The following CDK6 variants were observed in gnomAD, a reference collection of about 807,000 sequenced individuals.
The protein encoded by CDK6 is cyclin dependent kinase 6, also known as cyclin-dependent kinase 6.
In CDK6, 6 loss-of-function variants were observed where a neutral mutation model predicts 37.1. The ratio of observed to expected loss-of-function variants is 0.16; its 90% CI spans 0.09 to 0.32. The LOEUF is 0.32. Ranked by LOEUF, CDK6 falls within the 10% of genes least tolerant of loss-of-function variation. The probability of loss-of-function intolerance (pLI) is 1.00; values close to 1 mark genes in which losing one functional copy is unlikely to be tolerated. For synonymous variants in CDK6, 160 were observed against 161.3 expected (o/e 0.99, Z 0.06); for missense variants, 224 against 418.9 (o/e 0.53, Z 4.06).
chr7:92,639,906 A>G (rs538934537), intron 5 of CDK6, among the ~76,000 whole-genome samples: 1 of 152,350 alleles, frequency 6.6e-6, no homozygotes, highest in South Asian at 2.1e-4. Context: ...CTAGCCAGTG[A>G]AAGCCAAAAA....
At chr7:92,744,575 C>T (rs1371591998) in intron 3 of CDK6, among the ~76,000 whole-genome samples, 1 of 152,118 alleles carries the variant, frequency 6.6e-6, no homozygotes, top group Admixed American at 6.5e-5. Context: ...AGTACTTTAC[C>T]TAATTTCCAT....
chr7:92,816,173 A>G (rs565766495), intron 2 of CDK6, among the ~76,000 whole-genome samples: 1 of 152,306 alleles, frequency 6.6e-6, no homozygotes, highest in South Asian at 2.1e-4. Flanking sequence ...CCAATAACAC[A>G]TTATTAGACA....
chr7:92,693,749 A>T (rs1320354273), intron 4 of CDK6, among the ~76,000 whole-genome samples: 1 of 152,172 alleles, frequency 6.6e-6, no homozygotes, highest in Non-Finnish European at 1.5e-5. Flanking sequence ...CTTTGGTCAT[A>T]TTGTCAGCTT....
At chr7:92,622,439 TA>T (rs1440999044) in intron 6 of CDK6, among the ~76,000 whole-genome samples, 1 of 152,202 alleles carries the variant, frequency 6.6e-6, no homozygotes, top group African/African-American at 2.4e-5. Flanking sequence ...GATAACTTTT[TA>T]AAGTGCTTAC....
chr7:92,818,592 T>C (rs1006760380), intron 2 of CDK6, among the ~76,000 whole-genome samples: 1 of 151,898 alleles, frequency 6.6e-6, no homozygotes, highest in African/African-American at 2.4e-5. Flanking sequence ...AAAAAAAAGA[T>C]GAATTGGACT....
intron 3 of CDK6, among the ~76,000 whole-genome samples, chr7:92,739,113 T>C (rs1027115467): frequency 6.6e-6 from 1 of 152,206 alleles, no homozygotes; most frequent in Admixed American, 6.5e-5. Flanking sequence ...GTAAGCTCCC[T>C]TTGCTATTGT....
intron 4 of CDK6, among the ~76,000 whole-genome samples, chr7:92,722,683 A>T (rs1377663516): frequency 6.6e-6 from 1 of 152,190 alleles, no homozygotes; most frequent in Non-Finnish European, 1.5e-5. Context: ...TAAATGTATA[A>T]CATAGCTCCT....
At chr7:92,636,261 T>G (rs997813160) in intron 5 of CDK6, among the ~76,000 whole-genome samples, 6 of 152,132 alleles carry the variant, frequency 3.9e-5, no homozygotes, top group African/African-American at 9.7e-5. Flanking sequence ...GGTTTTGCCA[T>G]GTTGCTCAGG....
chr7:92,742,115 G>A (rs935941632), intron 3 of CDK6, among the ~76,000 whole-genome samples: 2 of 152,114 alleles, frequency 1.3e-5, no homozygotes, highest in African/African-American at 4.8e-5. Flanking sequence ...TACTCAGTTT[G>A]TTTAAAATAT....
At position 92,649,657 on chromosome 7, in the gene CDK6, T is replaced by C. The variant is rs144897864; in HGVS notation, c.647+21769A>G. Among the ~76,000 whole-genome samples, 657 of 152,332 alleles carry C rather than the reference T, an allele frequency of 4.3e-3. 4 individuals carry two copies. Among genetic ancestry groups the C allele is most frequent in the African/African-American group, 0.015 (617 of 41,578 alleles). On this transcript the variant is annotated intron_variant, in intron 5 of 7. Coordinates refer to ENST00000424848, the MANE Select transcript of CDK6 (RefSeq NM_001145306.2). ...AACCATGAGAGAGGTAGTTTTATTA[T>C]CCATGTTCACAGAAAAGGAAACTGA...
At position 92,675,207 on chromosome 7, in the gene CDK6, C is replaced by T. The variant is rs146403208; in HGVS notation, c.538-3672G>A. Among the ~76,000 whole-genome samples the T allele has an allele frequency of 1.9e-3, 285 of 152,312 alleles. 3 individuals are homozygous for T. Among genetic ancestry groups the T allele is most frequent in the African/African-American group, 6.6e-3 (274 of 41,568 alleles). On this transcript the variant is annotated intron_variant, in intron 4 of 7. Coordinates refer to ENST00000424848, the MANE Select transcript of CDK6 (RefSeq NM_001145306.2). ...CTGACTGTCTTCATTTTCAATACTT[C>T]AGTCAGTTATACCTATTATGATAAA... is the stretch of plus-strand genomic sequence containing the variant.
rs1795483106 is a variant in CDK6, at chr7:92,608,509, A to C, written c.*6631T>G. On this transcript the variant is annotated 3_prime_UTR_variant, in exon 8 of 8. Coordinates refer to ENST00000424848, the MANE Select transcript of CDK6 (RefSeq NM_001145306.2). ...TATATAGAATGATGGAAAATAAAAA[A>C]ATAAAAAAAAATTCCTGCAATTATA... 8 of 231,408 alleles carry C rather than the reference A, an allele frequency of 3.5e-5. No individual in the cohort carries two copies. The South Asian group carries it at 5.4e-4, about 16-fold the overall frequency. The allele number at this position is 231,408 out of a possible 1,614,324, so 14.3% of individuals were successfully genotyped here. A position where few individuals can be genotyped will look rare whatever the true frequency, so the allele number is the denominator to read the frequency against.
intron 4 of CDK6, among the ~76,000 whole-genome samples, chr7:92,683,827 A>C (rs1439396129): frequency 3.3e-5 from 5 of 152,246 alleles, no homozygotes; most frequent in Non-Finnish European, 5.9e-5. Flanking sequence ...TTAAAACTGC[A>C]AACAGAAAAG....
Position 92,615,076 on chromosome 7 carries a change from A to AG in CDK6, c.*63dup, listed in dbSNP as rs1459398499. 1 of 1,570,524 alleles carries AG rather than the reference A, an allele frequency of 6.4e-7. No individual in the cohort carries two copies. The highest frequency in any genetic ancestry group is 8.7e-7 in the Non-Finnish European group (1 of 1,146,472). On this transcript the variant is annotated 3_prime_UTR_variant, in exon 8 of 8. Coordinates refer to ENST00000424848, the MANE Select transcript of CDK6 (RefSeq NM_001145306.2). ...CTCCACAGCTCTGTAGGGCTTGCTG[A>AG]GGGGGACCCATAAGCCACCAAGGGT...
chr7:92,672,164 C>T (rs200111446), intron 4 of CDK6, among the ~76,000 whole-genome samples: 1,104 of 53,220 alleles, frequency 0.021, 2 homozygotes, highest in Middle Eastern at 0.037. Flanking sequence ...TATATATACA[C>T]ATACACACAC....
chr7:92,715,502 G>A (rs1683677869), intron 4 of CDK6, among the ~76,000 whole-genome samples: 1 of 152,178 alleles, frequency 6.6e-6, no homozygotes, highest in Non-Finnish European at 1.5e-5. Flanking sequence ...TCAAATTTAT[G>A]AAGGATTTAA....
At chr7:92,723,036 T>C (rs1268438939) in intron 4 of CDK6, among the ~76,000 whole-genome samples, 2 of 151,908 alleles carry the variant, frequency 1.3e-5, no homozygotes, top group Non-Finnish European at 1.5e-5. Context: ...AATACAAAAA[T>C]TAGCCTGGGG....
chr7:92,693,969 C>T (rs73710437), intron 4 of CDK6, among the ~76,000 whole-genome samples: 20 of 152,266 alleles, frequency 1.3e-4, no homozygotes, highest in African/African-American at 4.1e-4. Context: ...GTGTACAAAA[C>T]GTCTGTTCAT....
chr7:92,658,228 T>C (rs937735869), intron 5 of CDK6, among the ~76,000 whole-genome samples: 4 of 152,196 alleles, frequency 2.6e-5, no homozygotes, highest in African/African-American at 4.8e-5. Context: ...TGCATGTCAT[T>C]TGACCCTGTA....
Sources: allele counts gnomAD v4.1 joint callset (sites outside exome capture counted in the v4.1 genomes callset), GRCh38; gene constraint gnomAD v4.1.1; transcripts MANE v1.5; gene names NCBI Gene and HGNC (gene_info 2026-07-23, HGNC 2026-07-21).